Variants in PEX5L observed in about 807,000 individuals in gnomAD.
PEX5L encodes the protein peroxisomal biogenesis factor 5 like, also known as PEX5-related protein.
PEX5L carries 30 observed loss-of-function variants against 84.0 expected under a neutral mutation model. The observed-to-expected ratio is 0.36, with a 90% confidence interval of 0.27 to 0.48. The LOEUF (loss-of-function observed/expected upper bound fraction) is 0.48, where lower values mean the gene tolerates loss of function less well. Among genes scored for constraint, PEX5L ranks in the 20% least tolerant of loss-of-function variants. The pLI, the probability that PEX5L is intolerant of heterozygous loss-of-function variation, is 0.99. For missense variants in PEX5L, 533 were observed against 754.6 expected, an observed-to-expected ratio of 0.71 and a Z score of 3.44; for synonymous variants, 270 against 283.1, an observed-to-expected ratio of 0.95 and a Z score of 0.46.
chr3:179,875,449 G>A lies in PEX5L; in HGVS notation c.534C>T (p.Asp178=), dbSNP rs200030031. 1.1e-5 allele frequency: 17 copies of A among 1,613,010 alleles called. No homozygotes were observed. The highest frequency in any genetic ancestry group is 2.2e-5 in the East Asian group (1 of 44,844). ...LDIQTQLEKW[D]DVKFHGDRNT... Reference sequence around the variant, plus strand: ...TTCGATCTCCATGAAACTTAACATCGTCCCATTTTTCCAGTTGTGTTTGAA... The same window carrying A: ...TTCGATCTCCATGAAACTTAACATCATCCCATTTTTCCAGTTGTGTTTGAA... The change falls in exon 6 of 15, where the codon GAC becomes GAT. Residue 178 remains aspartate, a synonymous_variant. Coordinates refer to ENST00000467460, the MANE Select transcript of PEX5L (RefSeq NM_016559.3).
chr3:180,021,552 G>A (rs187024527), intron 1 of PEX5L, among the ~76,000 whole-genome samples: 1 of 152,196 alleles, frequency 6.6e-6, no homozygotes, highest in Non-Finnish European at 1.5e-5. Flanking sequence ...AACATGAAAG[G>A]ACTTCAAATA....
At chr3:179,860,618 T>A (rs1405961362) in intron 7 of PEX5L, among the ~76,000 whole-genome samples, 1 of 152,214 alleles carries the variant, frequency 6.6e-6, no homozygotes, top group Non-Finnish European at 1.5e-5. Context: ...TCCAGATAGC[T>A]CAGCTGCTCT....
chr3:180,016,957 GCTAA>G (rs1789996357), intron 1 of PEX5L, among the ~76,000 whole-genome samples: 1 of 151,970 alleles, frequency 6.6e-6, no homozygotes, highest in Non-Finnish European at 1.5e-5. Context: ...ATATTTTATT[GCTAA>G]CTTTTTATGT....
At chr3:179,918,387 G>A (rs1768018671) in intron 2 of PEX5L, among the ~76,000 whole-genome samples, 1 of 152,212 alleles carries the variant, frequency 6.6e-6, no homozygotes. Context: ...AGGATTTGGG[G>A]ATAGGTACGT....
At chr3:180,004,756 G>A (rs773894202) in intron 1 of PEX5L, among the ~76,000 whole-genome samples, 32 of 151,638 alleles carry the variant, frequency 2.1e-4, no homozygotes, top group Non-Finnish European at 4.0e-4. Context: ...GCAGCCCCAT[G>A]GGACTATTTA....
chr3:180,033,977 G>A lies in PEX5L; in HGVS notation c.21+2602C>T, dbSNP rs537351578. ...CAAATGTGTGTTTTTAAAAGTCTGC[G>A]GTTTCTAAAATGAATTCAGATTCTA... On this transcript the variant is annotated intron_variant, in intron 1 of 14. Coordinates refer to ENST00000467460, the MANE Select transcript of PEX5L (RefSeq NM_016559.3). Among the ~76,000 whole-genome samples, 62 of 152,160 alleles carry A rather than the reference G, an allele frequency of 4.1e-4. 1 individual carries two copies. The highest frequency in any genetic ancestry group is 1.4e-3 in the African/African-American group (59 of 41,500).
At chr3:179,973,505 T>C (rs1785279059) in intron 1 of PEX5L, 1 of 960,918 alleles carries the variant, frequency 1.0e-6, no homozygotes, top group Non-Finnish European at 1.2e-6. Flanking sequence ...CCATTTAATG[T>C]TTTAAAAAAT....
chr3:179,997,441 A>G (rs981912026), intron 1 of PEX5L, among the ~76,000 whole-genome samples: 7 of 152,300 alleles, frequency 4.6e-5, no homozygotes, highest in Non-Finnish European at 1.0e-4. Context: ...GAACCCCCAC[A>G]TTGGCTCCCT....
At chr3:179,873,026 C>G (rs568677860) in intron 7 of PEX5L, among the ~76,000 whole-genome samples, 39 of 152,224 alleles carry the variant, frequency 2.6e-4, no homozygotes, top group Non-Finnish European at 4.4e-5. Context: ...ATCGTCCTCT[C>G]TTGTGGAGGG....
chr3:179,948,161 A>G (rs1334911961), intron 2 of PEX5L, among the ~76,000 whole-genome samples: 1 of 152,208 alleles, frequency 6.6e-6, no homozygotes, highest in Admixed American at 6.5e-5. Context: ...ATAATTATAA[A>G]TAAATTTCAT....
chr3:179,803,604 AC>A (rs1719986590), intron 14 of PEX5L, among the ~76,000 whole-genome samples: 2 of 152,200 alleles, frequency 1.3e-5, no homozygotes, highest in African/African-American at 4.8e-5. Flanking sequence ...TATCTGACAC[AC>A]TGATCCTTCC....
intron 1 of PEX5L, among the ~76,000 whole-genome samples, chr3:180,001,381 A>G (rs1788394585): frequency 6.7e-6 from 1 of 148,616 alleles, no homozygotes; most frequent in Admixed American, 6.7e-5. Flanking sequence ...ATATATATAT[A>G]TATCATATTA....
intron 2 of PEX5L, among the ~76,000 whole-genome samples, chr3:179,922,404 T>C (rs1769748103): frequency 6.6e-6 from 1 of 152,002 alleles, no homozygotes; most frequent in South Asian, 2.1e-4. Flanking sequence ...AGCTTTCTCC[T>C]GATTGTCCAG....
At chr3:179,958,010 C>T (rs1180117579) in intron 2 of PEX5L, among the ~76,000 whole-genome samples, 2 of 151,978 alleles carry the variant, frequency 1.3e-5, no homozygotes, top group East Asian at 1.9e-4. Flanking sequence ...TTCTCTATTT[C>T]TTCTCTCTCT....
intron 14 of PEX5L, among the ~76,000 whole-genome samples, chr3:179,806,620 C>T (rs1310100619): frequency 6.6e-6 from 1 of 152,162 alleles, no homozygotes; most frequent in Non-Finnish European, 1.5e-5. Flanking sequence ...TCTCTGATGA[C>T]TTACTAAATA....
Position 179,820,021 on chromosome 3 carries a change from C to T in PEX5L, c.823-45G>A, listed in dbSNP as rs767152740. 3.2e-5 allele frequency: 52 copies of T among 1,612,276 alleles called. No individual in the cohort carries two copies. In the East Asian group the frequency reaches 1.1e-3, roughly 35 times the overall value. ...AATGGAGATGGATTTAAGAACATGC[C>T]ACATCATCTGTGTTTTTCTTCCCCC... On this transcript the variant is annotated intron_variant, in intron 8 of 14. Transcript: ENST00000467460.
intron 1 of PEX5L, among the ~76,000 whole-genome samples, chr3:179,997,287 C>T (rs141032335): frequency 6.6e-6 from 1 of 152,090 alleles, no homozygotes. Flanking sequence ...GCATTGTGGT[C>T]CTCCAGTTAA....
chr3:179,876,928 A>G (rs1016303664), intron 5 of PEX5L, among the ~76,000 whole-genome samples: 3 of 152,112 alleles, frequency 2.0e-5, no homozygotes, highest in Non-Finnish European at 2.9e-5. Flanking sequence ...TCATAATGAG[A>G]TATCTTGGGG....
chr3:179,929,651 G>C (rs866033006), intron 2 of PEX5L, among the ~76,000 whole-genome samples: 6 of 152,188 alleles, frequency 3.9e-5, no homozygotes, highest in South Asian at 2.1e-4. Flanking sequence ...GGTTCAGAGA[G>C]ATGATTATGA....
Sources: allele counts gnomAD v4.1 joint callset (sites outside exome capture counted in the v4.1 genomes callset), GRCh38; gene constraint gnomAD v4.1.1; transcripts MANE v1.5; gene names NCBI Gene and HGNC (gene_info 2026-07-23, HGNC 2026-07-21).